EZR: variants seen among roughly 807,000 people sequenced by gnomAD.
EZR encodes ezrin.
In EZR, 40 loss-of-function variants were observed where a neutral mutation model predicts 74.8. The observed-to-expected ratio is 0.53, with a 90% confidence interval of 0.42 to 0.70. The LOEUF (loss-of-function observed/expected upper bound fraction) is 0.70. EZR is among the 30% of genes least tolerant of loss of function. The pLI, the probability that EZR is intolerant of heterozygous loss-of-function variation, is 0.00. For missense variants in EZR, 678 were observed against 755.8 expected (o/e 0.90, Z 1.21); for synonymous variants, 341 against 283.3 (o/e 1.20, Z -2.05).
chr6:158,770,920 G>A (rs1359572748), intron 9 of EZR, 26 bp from the exon 10 acceptor site: 2 of 1,614,116 alleles, frequency 1.2e-6, no homozygotes, highest in Non-Finnish European at 1.7e-6. Context: ...AGAGGCACAG[G>A]GAGATTTAGA....
chr6:158,787,047 C>T, intron 4 of EZR, 61 bp downstream of exon 4: 2 of 1,351,862 alleles, frequency 1.5e-6, no homozygotes, highest in East Asian at 2.3e-5. Context: ...CTCCAGTTTC[C>T]TTATCGATGA....
intron 3 of EZR, among the ~76,000 whole-genome samples, chr6:158,787,599 A>G (rs1217277141): frequency 1.3e-5 from 2 of 152,166 alleles, no homozygotes; most frequent in African/African-American, 4.8e-5. Flanking sequence ...GCTGCCGGTC[A>G]GGTGTGCTCA....
In EZR at chr6:158,776,483, A is replaced by G. The variant is rs1306755586; in HGVS notation, c.720T>C (p.Phe240=). Residue 240 remains phenylalanine (F), a synonymous_variant, in exon 8 of 14, where the codon TTT becomes TTC. Coordinates refer to ENST00000367075, the MANE Select transcript of EZR (RefSeq NM_001111077.2). ...AGATGTTCCTGATTTCACTCCAAGG[A>G]AAGCCAATCTTTGGGGTTAACCTGA... ...KDDKLTPKIG[F]PWSEIRNISF... 1 of 1,613,602 alleles carries G rather than the reference A, an allele frequency of 6.2e-7. No homozygotes were observed.
intron 2 of EZR, among the ~76,000 whole-genome samples, chr6:158,805,292 T>C (rs1777309999): frequency 7.2e-6 from 1 of 137,966 alleles, no homozygotes; most frequent in African/African-American, 2.8e-5. Context: ...TGAGCCTACA[T>C]GGCGCCACTG....
chr6:158,779,994 C>T (rs1791386754), intron 7 of EZR, among the ~76,000 whole-genome samples: 1 of 152,046 alleles, frequency 6.6e-6, no homozygotes, highest in Non-Finnish European at 1.5e-5. Flanking sequence ...ACCAGCCTGG[C>T]CAACACAGTG....
chr6:158,769,747 C>T lies in EZR; in HGVS notation c.1251+37G>A, dbSNP rs1344890763. 3.1e-6 allele frequency: 5 copies of T among 1,611,096 alleles called. 1 individual carries two copies. In the South Asian group the frequency reaches 5.5e-5, roughly 18 times the overall value. On this transcript the variant is annotated intron_variant, in intron 11 of 13. Coordinates refer to ENST00000367075, the MANE Select transcript of EZR (RefSeq NM_001111077.2). ...TTTTCCATCCTCAGAAGCAGCCTCT[C>T]TATAATTCAGCATCTTGAAACTCAG...
At chr6:158,801,356 G>T (rs2128573982) in intron 2 of EZR, among the ~76,000 whole-genome samples, 1 of 152,178 alleles carries the variant, frequency 6.6e-6, no homozygotes, top group Non-Finnish European at 1.5e-5. Context: ...CAGGGTGCTG[G>T]GATTACAGGC....
chr6:158,814,487 G>C (rs559927543), intron 2 of EZR, among the ~76,000 whole-genome samples: 14 of 151,848 alleles, frequency 9.2e-5, no homozygotes, highest in African/African-American at 2.7e-4. Context: ...TAAGCTTCCA[G>C]AGAACAAGGT....
intron 1 of EZR, 178 bp from the exon 2 acceptor site, chr6:158,818,344 C>G (rs1223000891): frequency 7.6e-5 from 17 of 223,368 alleles, no homozygotes; most frequent in Middle Eastern, 1.4e-3. Flanking sequence ...GGGGCGGGGC[C>G]GGGCCGGGCC....
Position 158,766,278 on chromosome 6 carries a change from T to C in EZR, c.*636A>G, listed in dbSNP as rs1398352471. The C allele has an allele frequency of 6.7e-6, 1 of 149,954 alleles. No homozygotes were observed. The highest frequency in any genetic ancestry group is 1.9e-4 in the East Asian group (1 of 5,144). 9.3% of individuals were successfully genotyped at this position (149,954 alleles called of 1,614,324 possible). A position where few individuals can be genotyped will look rare whatever the true frequency, so the allele number is the denominator to read the frequency against. ...TCATTAATAAGGTGTATAAGTACAATGTATTCTAAAACTGTTAAGCAAAAA... is the reference window on the plus strand; with the variant it reads ...TCATTAATAAGGTGTATAAGTACAACGTATTCTAAAACTGTTAAGCAAAAA... On this transcript the variant is annotated 3_prime_UTR_variant, in exon 14 of 14. Transcript: ENST00000367075.
At position 158,771,227 on chromosome 6, in the gene EZR, T is replaced by C. The variant is rs1791098677; in HGVS notation, c.959+17A>G. ...GGGAGAACACAGGCCCCCCCCACTC[T>C]GGCCTCACGCGCTCACCGCTCCAGC... On this transcript the variant is annotated intron_variant, in intron 9 of 13. Transcript: ENST00000367075. The C allele has an allele frequency of 3.8e-6, 6 of 1,596,842 alleles. No individual in the cohort carries two copies. In the East Asian group the frequency reaches 1.3e-4, roughly 36 times the overall value.
intron 12 of EZR, 71 bp from the exon 13 acceptor site, chr6:158,767,583 G>A: frequency 1.4e-6 from 2 of 1,471,278 alleles, no homozygotes; most frequent in Non-Finnish European, 1.8e-6. Flanking sequence ...AGAACAGACT[G>A]TCACCTCCCT....
chr6:158,773,169 C>T (rs926444942), intron 8 of EZR, among the ~76,000 whole-genome samples: 1 of 152,218 alleles, frequency 6.6e-6, no homozygotes, highest in African/African-American at 2.4e-5. Context: ...TTAGCACCAA[C>T]TCCCCTTTAT....
rs778831723 is a variant in EZR, at chr6:158,766,926, G to A, written c.1749C>T (p.Phe583=). 1.9e-5 allele frequency: 30 copies of A among 1,613,938 alleles called. No homozygotes were observed. The highest frequency in any genetic ancestry group is 6.7e-5 in the East Asian group (3 of 44,880). The part of the protein sequence containing the change: ...QGNTKQRIDE[F]EAL ...CCTGGCCTGGCTGTTACAGGGCCTC[G>A]AACTCGTCGATGCGCTGCTTGGTGT... Residue 583 remains phenylalanine, a synonymous_variant, in exon 14 of 14, where the codon TTC becomes TTT. Coordinates refer to ENST00000367075, the MANE Select transcript of EZR (RefSeq NM_001111077.2).
At chr6:158,790,396 G>A (rs1791707000) in intron 2 of EZR, among the ~76,000 whole-genome samples, 1 of 152,170 alleles carries the variant, frequency 6.6e-6, no homozygotes, top group Non-Finnish European at 1.5e-5. Flanking sequence ...AACACTGTCG[G>A]GCGCATTGGC....
rs1791524794 is a variant in EZR at position 158,784,741 on chromosome 6, G to A, written c.468-14C>T. The stretch of plus-strand genomic sequence containing the variant: ...TGGTCCATCACTCTGGAATGCAAAA[G>A]GAAACAGCACTGTCATCCTTAAGGA... On this transcript the variant is annotated splice_polypyrimidine_tract_variant and intron_variant, in intron 5 of 13. Transcript: ENST00000367075. The A allele has an allele frequency of 6.2e-7, 1 of 1,612,526 alleles. No individual in the cohort carries two copies. The highest frequency in any genetic ancestry group is 8.5e-7 in the Non-Finnish European group (1 of 1,178,554).
intron 1 of EZR, among the ~76,000 whole-genome samples, chr6:158,818,403 C>T (rs1777612433): frequency 6.7e-6 from 1 of 150,294 alleles, no homozygotes; most frequent in Admixed American, 6.6e-5. Context: ...AAGGGGCAGC[C>T]GGCGGGCACT....
chr6:158,804,771 T>TA (rs1777297367), intron 2 of EZR, among the ~76,000 whole-genome samples: 1 of 152,088 alleles, frequency 6.6e-6, no homozygotes, highest in Non-Finnish European at 1.5e-5. Context: ...TTCTTATTTT[T>TA]TTTTATTATA....
chr6:158,804,812 T>C (rs2128575246), intron 2 of EZR, among the ~76,000 whole-genome samples: 1 of 151,634 alleles, frequency 6.6e-6, no homozygotes, highest in East Asian at 1.9e-4. Flanking sequence ...GTGCACATTG[T>C]GCAGGTTAGT....
Sources: allele counts gnomAD v4.1 joint callset (sites outside exome capture counted in the v4.1 genomes callset), GRCh38; gene constraint gnomAD v4.1.1; transcripts MANE v1.5; gene names NCBI Gene and HGNC (gene_info 2026-07-23, HGNC 2026-07-21).